Variants in RARS2 observed in about 807,000 individuals in gnomAD.
RARS2 encodes the protein arginyl-tRNA synthetase 2, mitochondrial.
Under a neutral mutation model 88.5 loss-of-function variants are expected in RARS2, and 67 were observed. That is an observed-to-expected ratio of 0.76 (90% CI 0.62 to 0.93). RARS2 has a LOEUF of 0.93. Among genes scored for constraint, RARS2 ranks in the 40% least tolerant of loss-of-function variants. RARS2 has a pLI of 0.00. For missense variants in RARS2, 664 were observed against 684.2 expected, an observed-to-expected ratio of 0.97 and a Z score of 0.33; for synonymous variants, 239 against 230.3, an observed-to-expected ratio of 1.04 and a Z score of -0.34.
chr6:87,565,041 G>A (rs1767453894), intron 2 of RARS2, among the ~76,000 whole-genome samples: 1 of 152,190 alleles, frequency 6.6e-6, no homozygotes, highest in Non-Finnish European at 1.5e-5. Context: ...CTGGGTGACA[G>A]AGCAAGACCT....
intron 1 of RARS2, among the ~76,000 whole-genome samples, chr6:87,589,000 T>C (rs878877835): frequency 6.6e-6 from 1 of 152,164 alleles, no homozygotes; most frequent in Admixed American, 6.5e-5. Context: ...GACAGGGCAG[T>C]ACATCTATAA....
chr6:87,514,152 A>C lies in RARS2; in HGVS notation c.*261T>G, dbSNP rs1770751397. On this transcript the variant is annotated 3_prime_UTR_variant, in exon 20 of 20. Transcript: ENST00000369536. Reference sequence around the variant, plus strand: ...CATAGAGAAACCCTGTCTCTACTAAAAATACAAAATTAGCCTGGCGTGATG... The same window carrying C: ...CATAGAGAAACCCTGTCTCTACTAACAATACAAAATTAGCCTGGCGTGATG... 6.6e-6 allele frequency among the ~76,000 whole-genome samples: 1 copy of C among 152,072 alleles called. No homozygotes were observed. The highest frequency in any genetic ancestry group is 2.1e-4 in the South Asian group (1 of 4,818).
intron 1 of RARS2, among the ~76,000 whole-genome samples, chr6:87,586,009 A>T (rs1775046889): frequency 6.6e-6 from 1 of 152,200 alleles, no homozygotes; most frequent in Non-Finnish European, 1.5e-5. Flanking sequence ...GCATGAATGG[A>T]AGTTGAAGAA....
intron 11 of RARS2, among the ~76,000 whole-genome samples, chr6:87,524,019 T>G (rs568138049): frequency 6.6e-6 from 1 of 152,152 alleles, no homozygotes; most frequent in South Asian, 2.1e-4. Flanking sequence ...TTGGAACAAA[T>G]TATGGTAGTT....
intron 8 of RARS2, among the ~76,000 whole-genome samples, chr6:87,537,073 G>T (rs1313953732): frequency 1.3e-5 from 2 of 152,186 alleles, no homozygotes; most frequent in African/African-American, 4.8e-5. Context: ...TTCCAAGCTA[G>T]CTGAGAAACT....
At chr6:87,582,767 CT>C (rs1774004190) in intron 1 of RARS2, among the ~76,000 whole-genome samples, 1 of 152,174 alleles carries the variant, frequency 6.6e-6, no homozygotes, top group Non-Finnish European at 1.5e-5. Context: ...AATTAGACAA[CT>C]AGTTTAATTG....
intron 8 of RARS2, 108 bp downstream of exon 8, chr6:87,541,810 C>A: frequency 1.2e-6 from 1 of 831,186 alleles, no homozygotes; most frequent in South Asian, 1.4e-5. Context: ...GGCAACAGAG[C>A]GAGACCCTGT....
At chr6:87,589,178 A>G (rs746952967) in intron 1 of RARS2, among the ~76,000 whole-genome samples, 3 of 152,212 alleles carry the variant, frequency 2.0e-5, no homozygotes, top group Non-Finnish European at 4.4e-5. Flanking sequence ...AAGGGTGGCC[A>G]ATGAGTCTTA....
At position 87,527,041 on chromosome 6, in the gene RARS2, T is replaced by G. The variant is rs375774590; in HGVS notation, c.879-2389A>C. The stretch of plus-strand genomic sequence containing the variant: ...AAGGGACAGTCTCGGCCAGGCACAG[T>G]GGCTCACGCCTGTAATCCTAGCACT... On this transcript the variant is annotated intron_variant, in intron 10 of 19. Coordinates refer to ENST00000369536, the MANE Select transcript of RARS2 (RefSeq NM_020320.5). Among the ~76,000 whole-genome samples, 185 of 151,956 alleles carry G rather than the reference T, an allele frequency of 1.2e-3. 9 individuals carry two copies. In the South Asian group the frequency reaches 0.034, roughly 28 times the overall value.
At chr6:87,588,393 G>A (rs1193537285) in intron 1 of RARS2, among the ~76,000 whole-genome samples, 1 of 151,652 alleles carries the variant, frequency 6.6e-6, no homozygotes, top group Non-Finnish European at 1.5e-5. Context: ...TTGTTTACAG[G>A]GTCTCGCTCT....
chr6:87,568,141 C>G (rs1768492995), intron 2 of RARS2, among the ~76,000 whole-genome samples: 1 of 152,168 alleles, frequency 6.6e-6, no homozygotes, highest in South Asian at 2.1e-4. Flanking sequence ...AAAGGAAATC[C>G]TATTCAAAAG....
At chr6:87,536,088 T>C (rs1779081393) in intron 8 of RARS2, among the ~76,000 whole-genome samples, 2 of 152,212 alleles carry the variant, frequency 1.3e-5, no homozygotes, top group Non-Finnish European at 1.5e-5. Flanking sequence ...TTCATAAGAA[T>C]GGCTATGGTT....
intron 1 of RARS2, among the ~76,000 whole-genome samples, chr6:87,579,664 G>C (rs942573429): frequency 1.2e-3 from 154 of 133,456 alleles, no homozygotes; most frequent in African/African-American, 3.8e-3. Flanking sequence ...AAAAAAAAAA[G>C]AGAGAGAGAG....
At chr6:87,520,397 G>A in intron 12 of RARS2, 141 bp from the exon 13 acceptor site, 1 of 685,218 alleles carries the variant, frequency 1.5e-6, no homozygotes, top group South Asian at 1.7e-5. Context: ...AACACAAAGA[G>A]GATGCCACAA....
chr6:87,578,834 C>T (rs953726009), intron 1 of RARS2, among the ~76,000 whole-genome samples: 2 of 151,772 alleles, frequency 1.3e-5, no homozygotes, highest in East Asian at 3.9e-4. Flanking sequence ...GTGGCTGGTG[C>T]CTGTAGTCCC....
rs755448382 is a variant in RARS2, at chr6:87,548,639, T to C, written c.403A>G (p.Asn135Asp). ...CCAACATGAAATTTTTTGGCAACAT[T>C]AGGTGAACTGCAAAAAAAATGGGAA... ...KKIVVEFSSP[N>D]VAKKFHVGHL... The change falls in exon 6 of 20, where the codon AAT (asparagine) becomes GAT (aspartate). Residue 135 changes from asparagine to aspartate, a missense_variant. Asn to Asp is a conservative substitution (Grantham distance 23). Transcript: ENST00000369536. 8 of 1,612,768 alleles carry C rather than the reference T, an allele frequency of 5.0e-6. No individual in the cohort carries two copies. The highest frequency in any genetic ancestry group is 6.8e-6 in the Non-Finnish European group (8 of 1,179,476).
intron 17 of RARS2, among the ~76,000 whole-genome samples, chr6:87,517,187 AGAATCACTT>A (rs150414922): frequency 0.017 from 2,610 of 152,282 alleles, 69 homozygotes; most frequent in African/African-American, 0.058. Context: ...CTAAGGCAGA[AGAATCACTT>A]GACCCCGGGA....
At position 87,538,867 on chromosome 6, in the gene RARS2, C is replaced by T. The variant is rs185805895; in HGVS notation, c.612+3051G>A. Among the ~76,000 whole-genome samples, 409 of 152,054 alleles carry T rather than the reference C, an allele frequency of 2.7e-3. 3 individuals carry two copies. The highest frequency in any genetic ancestry group is 9.4e-3 in the African/African-American group (388 of 41,466). ...TGGGCAACATAGGGAGACCCTGTCT[C>T]TATAAAAAATCAAAAAATTAGTTGG... On this transcript the variant is annotated intron_variant, in intron 8 of 19. Transcript: ENST00000369536.
chr6:87,577,444 G>A (rs921078318), intron 1 of RARS2, among the ~76,000 whole-genome samples: 4 of 152,090 alleles, frequency 2.6e-5, no homozygotes, highest in Admixed American at 2.6e-4. Flanking sequence ...CAATCATCCT[G>A]CCCTAGCCTC....
Sources: gnomAD v4.1 joint callset for allele counts (sites outside exome capture counted in the v4.1 genomes callset) on GRCh38, gnomAD v4.1.1 for gene constraint, MANE v1.5 for transcripts, NCBI Gene and HGNC (gene_info 2026-07-23, HGNC 2026-07-21) for gene names.